Variants in TEKT5 observed in about 807,000 individuals in gnomAD.
TEKT5 encodes the protein tektin-5.
TEKT5 carries 52 observed loss-of-function variants against 48.7 expected under a neutral mutation model. The ratio of observed to expected loss-of-function variants is 1.07; its 90% confidence interval spans 0.86 to 1.35. The LOEUF is 1.35. Ranked by LOEUF, TEKT5 falls within the 40% of genes most tolerant of loss-of-function variation. The pLI, the probability that TEKT5 is intolerant of heterozygous loss-of-function variation, is 0.00. For synonymous variants in TEKT5, 318 were observed against 267.6 expected, an observed-to-expected ratio of 1.19 and a Z score of -1.84; for missense variants, 831 against 641.6, an observed-to-expected ratio of 1.30 and a Z score of -3.19.
chr16:10,684,662 G>T (rs1898826073), intron 3 of TEKT5, among the ~76,000 whole-genome samples: 2 of 152,090 alleles, frequency 1.3e-5, no homozygotes, highest in Non-Finnish European at 2.9e-5. Flanking sequence ...TAGAGAATTA[G>T]AGGGAAACCT....
At chr16:10,689,378 C>T in intron 2 of TEKT5, 55 bp from the exon 3 acceptor site, 2 of 1,471,870 alleles carry the variant, frequency 1.4e-6, no homozygotes, top group South Asian at 1.2e-5. Context: ...ACAGTCTTCT[C>T]TCCCAGGCCA....
chr16:10,682,125 T>A lies in TEKT5; in HGVS notation c.731A>T (p.Asp244Val). ...GTCCCTCTCCAGCACGTGCTGAGCA[T>A]CCCGGTTATCCCTGCAGGGAGGGAG... ...RIDIQMRDNR[D>V]AQHVLERDLE... The change falls in exon 4 of 7, where the codon GAT becomes GTT. Residue 244 changes from aspartate (D) to valine (V), a missense_variant. Coordinates refer to ENST00000283025, the MANE Select transcript of TEKT5 (RefSeq NM_144674.2). 1 of 1,614,076 alleles carries A rather than the reference T, an allele frequency of 6.2e-7. No individual in the cohort carries two copies. Among genetic ancestry groups the A allele is most frequent in the South Asian group, 1.1e-5 (1 of 91,078 alleles).
chr16:10,651,518 G>A (rs1256958425), intron 5 of TEKT5, among the ~76,000 whole-genome samples: 5 of 152,190 alleles, frequency 3.3e-5, no homozygotes, highest in African/African-American at 1.2e-4. Context: ...TAATGATGAT[G>A]ATAATAATAA....
chr16:10,631,363 G>T (rs900264140), intron 6 of TEKT5, among the ~76,000 whole-genome samples: 1 of 138,768 alleles, frequency 7.2e-6, no homozygotes, highest in South Asian at 2.7e-4. Context: ...GGGGGCGGGG[G>T]AGGGTTGAAA....
chr16:10,690,188 C>G, intron 1 of TEKT5, 163 bp from the exon 2 acceptor site: 1 of 656,720 alleles, frequency 1.5e-6, no homozygotes, highest in Non-Finnish European at 2.6e-6. Flanking sequence ...TCTGCCTCCC[C>G]TTCTCCCCGG....
chr16:10,633,939 A>T (rs2142257258), intron 6 of TEKT5, among the ~76,000 whole-genome samples: 1 of 152,282 alleles, frequency 6.6e-6, no homozygotes, highest in East Asian at 1.9e-4. Flanking sequence ...AGGCTGTGCA[A>T]AAATCATCGC....
chr16:10,683,262 C>T (rs1339194271), intron 3 of TEKT5, among the ~76,000 whole-genome samples: 1 of 40,610 alleles, frequency 2.5e-5, no homozygotes, highest in Non-Finnish European at 4.3e-5. Flanking sequence ...TGTTTAGGGA[C>T]CTCAGGATCA....
intron 5 of TEKT5, among the ~76,000 whole-genome samples, chr16:10,648,183 G>A (rs1898099880): frequency 6.6e-6 from 1 of 152,170 alleles, no homozygotes; most frequent in African/African-American, 2.4e-5. Context: ...AAGGGCACAG[G>A]CACACACAAC....
Position 10,694,540 on chromosome 16 carries a change from C to T in TEKT5, c.334G>A (p.Ala112Thr), listed in dbSNP as rs751775967. The T allele has an allele frequency of 2.1e-5, 33 of 1,606,484 alleles. No individual in the cohort carries two copies. Among genetic ancestry groups the T allele is most frequent in the Non-Finnish European group, 2.7e-5 (32 of 1,176,222 alleles). Residue 112 changes from alanine to threonine, a missense_variant, in exon 1 of 7, where the codon GCC becomes ACC. Ala to Thr is a moderately conservative substitution (Grantham distance 58). Transcript: ENST00000283025. ...VRGAEASRLWASRLTDDSMRL... is the reference protein window; with the variant it reads ...VRGAEASRLWTSRLTDDSMRL... The stretch of plus-strand genomic sequence containing the variant: ...ATGGAGTCATCCGTCAGCCGGCTGG[C>T]CCACAGCCGGGAGGCCTCGGCCCCA...
intron 3 of TEKT5, among the ~76,000 whole-genome samples, chr16:10,687,570 T>C (rs1898885131): frequency 6.6e-6 from 1 of 152,302 alleles, no homozygotes; most frequent in East Asian, 1.9e-4. Flanking sequence ...CTGGCCAACA[T>C]GGCAAAACAC....
chr16:10,690,575 G>A (rs1397126134), intron 1 of TEKT5: 1 of 985,188 alleles, frequency 1.0e-6, no homozygotes, highest in African/African-American at 1.7e-5. Context: ...AAATCACTGA[G>A]AACACTGCCC....
chr16:10,689,231 T>TA (rs77020408), intron 3 of TEKT5, 22 bp downstream of exon 3: 25,766 of 1,347,140 alleles, frequency 0.019, 3 homozygotes, highest in Non-Finnish European at 0.021. Flanking sequence ...GAGAGGGAAT[T>TA]AAAAAAAAAA....
intron 5 of TEKT5, among the ~76,000 whole-genome samples, chr16:10,655,567 G>A (rs1898247629): frequency 4.6e-5 from 7 of 152,156 alleles, no homozygotes; most frequent in Admixed American, 2.6e-4. Context: ...CTTAACCTGT[G>A]GAACACTATA....
chr16:10,688,247 C>G (rs1461159117), intron 3 of TEKT5, among the ~76,000 whole-genome samples: 1 of 152,238 alleles, frequency 6.6e-6, no homozygotes, highest in Non-Finnish European at 1.5e-5. Context: ...CGATGTCTTT[C>G]TAGGGGTCTC....
At chr16:10,684,570 C>T (rs541218252) in intron 3 of TEKT5, among the ~76,000 whole-genome samples, 1 of 152,216 alleles carries the variant, frequency 6.6e-6, no homozygotes, top group East Asian at 1.9e-4. Flanking sequence ...TCCAAATTGG[C>T]AGAGTCCTGG....
At chr16:10,684,003 T>A (rs1898807965) in intron 3 of TEKT5, among the ~76,000 whole-genome samples, 1 of 152,188 alleles carries the variant, frequency 6.6e-6, no homozygotes, top group South Asian at 2.1e-4. Context: ...ACCTCAGACC[T>A]AAATATTAAT....
At chr16:10,642,133 G>T (rs1301332681) in intron 5 of TEKT5, among the ~76,000 whole-genome samples, 1 of 152,212 alleles carries the variant, frequency 6.6e-6, no homozygotes, top group Admixed American at 6.5e-5. Context: ...CATGACACAT[G>T]TCTTATCTTT....
chr16:10,676,093 C>A lies in TEKT5; in HGVS notation c.952G>T (p.Glu318Ter). The A allele has an allele frequency of 6.2e-7, 1 of 1,614,218 alleles. No homozygotes were observed. Among genetic ancestry groups the A allele is most frequent in the South Asian group, 1.1e-5 (1 of 91,080 alleles). ...NMRANSIQLR[E>*]EAEHLFETLS... ...GTCTCAAAGAGGTGCTCCGCCTCCT[C>A]CCGCAGCTGGATGGAGTTGGCCCGC... The change falls in exon 5 of 7, where the codon GAG becomes TAG. Residue 318 changes from glutamate to a stop codon, truncating the protein, a stop_gained. Coordinates refer to ENST00000283025, the MANE Select transcript of TEKT5 (RefSeq NM_144674.2). LOFTEE classifies it high-confidence loss of function.
chr16:10,648,552 G>A (rs554656617), intron 5 of TEKT5, among the ~76,000 whole-genome samples: 1 of 152,036 alleles, frequency 6.6e-6, no homozygotes, highest in Non-Finnish European at 1.5e-5. Context: ...GGCTGGTCTC[G>A]AACTCCCGGC....
Sources: gnomAD v4.1 joint callset for allele counts (sites outside exome capture counted in the v4.1 genomes callset) on GRCh38, gnomAD v4.1.1 for gene constraint, MANE v1.5 for transcripts, NCBI Gene and HGNC (gene_info 2026-07-23, HGNC 2026-07-21) for gene names.